The following PTPRG variants were observed in gnomAD, a reference collection of about 807,000 sequenced individuals.
PTPRG encodes the protein receptor-type tyrosine-protein phosphatase gamma.
A neutral mutation model predicts 165.3 loss-of-function variants in PTPRG; 102 were observed. The observed-to-expected ratio is 0.62, with a 90% CI of 0.53 to 0.73. The LOEUF is 0.73. PTPRG is among the 30% of genes least tolerant of loss of function. PTPRG has a pLI of 0.00. For synonymous variants in PTPRG, 675 were observed against 669.5 expected (o/e 1.01, Z -0.13); for missense variants, 1,866 against 1,861.4 (o/e 1.00, Z -0.05).
chr3:61,624,381 C>T (rs751325676), intron 1 of PTPRG, among the ~76,000 whole-genome samples: 36 of 152,062 alleles, frequency 2.4e-4, no homozygotes, highest in South Asian at 1.2e-3. Flanking sequence ...TCAGTGAGTT[C>T]CAACTAGAAG....
chr3:61,901,274 T>G (rs772645592), intron 2 of PTPRG, among the ~76,000 whole-genome samples: 3 of 152,234 alleles, frequency 2.0e-5, no homozygotes, highest in Non-Finnish European at 4.4e-5. Context: ...GTATGATGCT[T>G]TGTGCATCCT....
At chr3:62,189,058 A>G (rs1461211112) in intron 8 of PTPRG, among the ~76,000 whole-genome samples, 1 of 151,794 alleles carries the variant, frequency 6.6e-6, no homozygotes, top group Non-Finnish European at 1.5e-5. Context: ...CTCCGCCCTC[A>G]TGTCTCCGTG....
At chr3:61,731,078 A>G (rs991670699) in intron 1 of PTPRG, among the ~76,000 whole-genome samples, 14 of 152,148 alleles carry the variant, frequency 9.2e-5, no homozygotes, top group Non-Finnish European at 4.4e-5. Flanking sequence ...AGGCTTCCTG[A>G]TGGATTTATG....
chr3:61,999,404 C>G (rs1181481772), intron 3 of PTPRG, among the ~76,000 whole-genome samples: 3 of 152,122 alleles, frequency 2.0e-5, no homozygotes, highest in South Asian at 2.1e-4. Flanking sequence ...CCCTCATGGC[C>G]TAATCACCTC....
At chr3:61,767,842 C>T (rs750379587) in intron 2 of PTPRG, among the ~76,000 whole-genome samples, 20 of 151,828 alleles carry the variant, frequency 1.3e-4, no homozygotes, top group African/African-American at 2.9e-4. Flanking sequence ...TGGTGGCACA[C>T]GCCTGTAGTT....
intron 1 of PTPRG, among the ~76,000 whole-genome samples, chr3:61,617,807 G>A (rs1701337617): frequency 6.6e-6 from 1 of 152,112 alleles, no homozygotes; most frequent in Non-Finnish European, 1.5e-5. Context: ...GTTGTTCTTA[G>A]GGCCTGCCTT....
intron 4 of PTPRG, among the ~76,000 whole-genome samples, chr3:62,063,757 C>T (rs1322591306): frequency 1.3e-5 from 2 of 152,124 alleles, no homozygotes; most frequent in Non-Finnish European, 2.9e-5. Context: ...CCTGCCTCAT[C>T]CTCCCAAAAT....
At chr3:62,115,246 T>C (rs987143113) in intron 5 of PTPRG, among the ~76,000 whole-genome samples, 1 of 152,204 alleles carries the variant, frequency 6.6e-6, no homozygotes, top group Non-Finnish European at 1.5e-5. Flanking sequence ...TATCTAAAAT[T>C]CATAGATAAC....
At chr3:61,900,561 C>G (rs1444360518) in intron 2 of PTPRG, among the ~76,000 whole-genome samples, 1 of 152,158 alleles carries the variant, frequency 6.6e-6, no homozygotes, top group Non-Finnish European at 1.5e-5. Flanking sequence ...CAAACACCTC[C>G]TCTTCAAATC....
intron 4 of PTPRG, among the ~76,000 whole-genome samples, chr3:62,059,494 C>T (rs1054063927): frequency 2.0e-5 from 3 of 152,116 alleles, no homozygotes; most frequent in East Asian, 1.9e-4. Context: ...TGTTTTAAAG[C>T]GTCATAGAAT....
chr3:61,945,560 CAAAAAAAAAAA>C (rs71123242), intron 2 of PTPRG, among the ~76,000 whole-genome samples: 15 of 55,460 alleles, frequency 2.7e-4, no homozygotes, highest in Non-Finnish European at 3.2e-4. Flanking sequence ...ACTCCGTCAC[CAAAAAAAAAAA>C]AAAAAAAAAA....
At chr3:62,000,598 A>G (rs2041150070) in intron 3 of PTPRG, among the ~76,000 whole-genome samples, 1 of 152,202 alleles carries the variant, frequency 6.6e-6, no homozygotes, top group Admixed American at 6.5e-5. Flanking sequence ...TTCAGAACCG[A>G]CAGAGGTAGA....
intron 1 of PTPRG, chr3:61,743,165 T>TC: frequency 1.1e-6 from 1 of 909,040 alleles, no homozygotes; most frequent in East Asian, 2.6e-5. Flanking sequence ...TTATCTTTTT[T>TC]TGCTTCGGGC....
intron 2 of PTPRG, among the ~76,000 whole-genome samples, chr3:61,906,320 A>T (rs1465714888): frequency 6.6e-6 from 1 of 151,730 alleles, no homozygotes; most frequent in East Asian, 1.9e-4. Flanking sequence ...GCCGGGTGTG[A>T]TGGTGTGCAC....
chr3:62,119,890 T>C (rs1410374993), intron 5 of PTPRG, among the ~76,000 whole-genome samples: 2 of 149,640 alleles, frequency 1.3e-5, no homozygotes, highest in Admixed American at 1.4e-4. Flanking sequence ...CACCTTGGGC[T>C]CCCAAAGTGC....
chr3:62,183,558 G>A (rs1041262448), intron 8 of PTPRG, among the ~76,000 whole-genome samples: 15 of 141,436 alleles, frequency 1.1e-4, no homozygotes, highest in Non-Finnish European at 1.8e-4. Flanking sequence ...AGTGAGACTC[G>A]TCTCAATTAA....
At chr3:62,282,910 T>A (rs781522476) in intron 28 of PTPRG, 41 bp downstream of exon 28, 1 of 1,550,694 alleles carries the variant, frequency 6.4e-7, no homozygotes, top group South Asian at 1.2e-5. Flanking sequence ...AGACCGTTTT[T>A]TTGTTTAATT....
chr3:61,591,370 T>G (rs1700565048), intron 1 of PTPRG, among the ~76,000 whole-genome samples: 1 of 152,202 alleles, frequency 6.6e-6, no homozygotes, highest in Non-Finnish European at 1.5e-5. Context: ...TTTTCTTTCT[T>G]TTTTTGGAGA....
At chr3:62,198,282 C>A (rs1314945181) in intron 10 of PTPRG, among the ~76,000 whole-genome samples, 1 of 152,090 alleles carries the variant, frequency 6.6e-6, no homozygotes, top group Non-Finnish European at 1.5e-5. Context: ...GGTTATTTTA[C>A]AAACAGGGAA....
Sources: allele counts gnomAD v4.1 joint callset (sites outside exome capture counted in the v4.1 genomes callset), GRCh38; gene constraint gnomAD v4.1.1; transcripts MANE v1.5; gene names NCBI Gene and HGNC (gene_info 2026-07-23, HGNC 2026-07-21).